Variants in MICU2 observed in about 807,000 individuals in gnomAD.
The protein encoded by MICU2 is calcium uptake protein 2, mitochondrial.
A neutral mutation model predicts 60.4 loss-of-function variants in MICU2; 64 were observed. That is an observed-to-expected ratio of 1.06 (90% confidence interval 0.87 to 1.31). MICU2 has a LOEUF of 1.31. Among genes scored for constraint, MICU2 ranks in the 50% most tolerant of loss-of-function variants. MICU2 has a pLI of 0.00. For missense variants in MICU2, 569 were observed against 531.0 expected (o/e 1.07, Z -0.70); for synonymous variants, 201 against 175.0 (o/e 1.15, Z -1.17).
At chr13:21,513,635 G>C (rs1886487027) in intron 7 of MICU2, among the ~76,000 whole-genome samples, 1 of 148,880 alleles carries the variant, frequency 6.7e-6, no homozygotes, top group South Asian at 2.2e-4. Flanking sequence ...AGCTACTTGG[G>C]AGGCAGAGGC....
In MICU2 at chr13:21,604,058, T is replaced by A; in HGVS notation, c.91A>T (p.Ser31Cys). The A allele has an allele frequency of 6.2e-7, 1 of 1,603,844 alleles. No individual in the cohort carries two copies. The highest frequency in any genetic ancestry group is 8.5e-7 in the Non-Finnish European group (1 of 1,176,342). ...ACTGCCGCTGCCAAGGGGCCGGGAC[T>A]CCGCACAGCCTGTCGGCTGACAGCG... ...GLAVSRQAVR[S>C]PGPLAAAVAG... Residue 31 changes from serine (S) to cysteine (C), a missense_variant, in exon 1 of 12, where the codon AGT becomes TGT. Transcript: ENST00000382374.
chr13:21,504,731 G>A (rs1886253620), intron 8 of MICU2, among the ~76,000 whole-genome samples: 2 of 152,132 alleles, frequency 1.3e-5, no homozygotes, highest in Non-Finnish European at 2.9e-5. Flanking sequence ...AATTGTTTAG[G>A]CAGTGTTGTA....
chr13:21,533,602 C>T (rs545760308), intron 4 of MICU2, among the ~76,000 whole-genome samples: 19 of 151,834 alleles, frequency 1.3e-4, no homozygotes, highest in African/African-American at 3.6e-4. Flanking sequence ...GGATTACAAG[C>T]GTGAGCCACT....
At chr13:21,574,011 C>A (rs183501911) in intron 1 of MICU2, among the ~76,000 whole-genome samples, 48 of 152,280 alleles carry the variant, frequency 3.2e-4, no homozygotes, top group Admixed American at 2.9e-3. Flanking sequence ...TACAAACCTA[C>A]TCGGTTGGCA....
intron 1 of MICU2, among the ~76,000 whole-genome samples, chr13:21,598,184 AAAC>A (rs929830958): frequency 6.6e-5 from 10 of 152,170 alleles, no homozygotes; most frequent in East Asian, 1.9e-4. Flanking sequence ...ATTGAAAAGC[AAAC>A]AACAACAACA....
chr13:21,548,545 C>CA (rs1353241569), intron 2 of MICU2, among the ~76,000 whole-genome samples: 1 of 152,102 alleles, frequency 6.6e-6, no homozygotes. Context: ...TTAATCATCC[C>CA]AACAACACTA....
In MICU2 at chr13:21,566,866, C is replaced by T. The variant is rs760896116; in HGVS notation, c.289G>A (p.Glu97Lys). ...GTCATATAATATTCTCCTTCATGTT[C>T]GAGTGAAGAAAACTGCATGAAGCGC... The part of the protein sequence containing the change: ...KQRFMQFSSL[E>K]HEGEYYMTPR... Residue 97 changes from glutamate (E) to lysine (K), a missense_variant, in exon 2 of 12, where the codon GAA (glutamate) becomes AAA (lysine). Glu to Lys is a moderately conservative substitution (Grantham distance 56). Coordinates refer to ENST00000382374, the MANE Select transcript of MICU2 (RefSeq NM_152726.3). 8.9e-5 allele frequency: 143 copies of T among 1,612,366 alleles called. 1 individual carries two copies. The Admixed American group carries it at 1.7e-3, about 19-fold the overall frequency.
intron 2 of MICU2, among the ~76,000 whole-genome samples, chr13:21,547,299 T>G (rs954669387): frequency 2.0e-5 from 3 of 152,190 alleles, no homozygotes; most frequent in African/African-American, 7.2e-5. Flanking sequence ...ATTTTGAAAA[T>G]GCAAATGCTA....
chr13:21,589,071 A>C (rs1017026423), intron 1 of MICU2, among the ~76,000 whole-genome samples: 1 of 152,220 alleles, frequency 6.6e-6, no homozygotes, highest in South Asian at 2.1e-4. Flanking sequence ...ATTAGCAGAA[A>C]GAGTAGGAGT....
rs1018263201 is a variant in MICU2, at chr13:21,602,052, T to A, written c.210+1887A>T. On this transcript the variant is annotated intron_variant, in intron 1 of 11. Coordinates refer to ENST00000382374, the MANE Select transcript of MICU2 (RefSeq NM_152726.3). ...GAACCGGGGAGTTAAGAGGTTGTAGTGAGCCGGGATCACGCCACTGCACTC... is the reference window on the plus strand; with the variant it reads ...GAACCGGGGAGTTAAGAGGTTGTAGAGAGCCGGGATCACGCCACTGCACTC... Among the ~76,000 whole-genome samples, 4 of 148,270 alleles carry A rather than the reference T, an allele frequency of 2.7e-5. No homozygotes were observed. The South Asian group carries it at 8.5e-4, about 31-fold the overall frequency.
intron 1 of MICU2, among the ~76,000 whole-genome samples, chr13:21,580,181 C>A (rs1182613616): frequency 3.3e-5 from 5 of 152,112 alleles, no homozygotes; most frequent in Non-Finnish European, 2.9e-5. Flanking sequence ...AAAATTATGC[C>A]AGTGAATCAT....
chr13:21,539,356 C>A lies in MICU2; in HGVS notation c.412G>T (p.Gly138Trp), dbSNP rs1402126631. The change falls in exon 4 of 12, where the codon GGG (glycine) becomes TGG (tryptophan). Residue 138 changes from glycine to tryptophan, a missense_variant. By Grantham distance (184) the Gly-to-Trp change is radical. Coordinates refer to ENST00000382374, the MANE Select transcript of MICU2 (RefSeq NM_152726.3). ...GATCCACAGCCAGCTGTTTGGATCC[C>A]TGACAGTGTATCCTCGATGTCCTTT... ...TKKDIEDTLS[G>W]IQTAGCGSTF... is the part of the protein sequence containing the mutation. 7.4e-6 allele frequency: 12 copies of A among 1,614,008 alleles called. No homozygotes were observed. Among genetic ancestry groups the A allele is most frequent in the Non-Finnish European group, 1.0e-5 (12 of 1,179,954 alleles).
intron 2 of MICU2, among the ~76,000 whole-genome samples, chr13:21,561,146 G>A (rs1238293322): frequency 6.6e-6 from 1 of 151,962 alleles, no homozygotes; most frequent in East Asian, 1.9e-4. Context: ...AGTCTACTGT[G>A]GTCTAAGACC....
At chr13:21,510,840 T>C (rs1444976852) in intron 7 of MICU2, among the ~76,000 whole-genome samples, 1 of 146,806 alleles carries the variant, frequency 6.8e-6, no homozygotes, top group African/African-American at 2.7e-5. Flanking sequence ...CATTCATTAA[T>C]TCATTTAATG....
In MICU2 at chr13:21,496,066, C is replaced by T. The variant is rs199756246; in HGVS notation, c.1028G>A (p.Arg343His). 36 of 1,612,604 alleles carry T rather than the reference C, an allele frequency of 2.2e-5. 1 individual carries two copies. The highest frequency in any genetic ancestry group is 1.0e-4 in the Admixed American group (6 of 59,862). ...IAMQMFSLAH[R>H]PVRLAEFKRA... ...ATATAACTTACCTAGTCTGACAGGA[C>T]GATGAGCTAAACTGAACATCTGCAT... The change falls in exon 10 of 12, where the codon CGT becomes CAT. Residue 343 changes from arginine to histidine, a missense_variant. By Grantham distance (29) the Arg-to-His change is conservative. Coordinates refer to ENST00000382374, the MANE Select transcript of MICU2 (RefSeq NM_152726.3).
intron 11 of MICU2, 137 bp from the exon 12 acceptor site, chr13:21,493,490 G>A (rs557590632): frequency 1.7e-6 from 1 of 595,982 alleles, no homozygotes; most frequent in East Asian, 3.1e-5. Context: ...TGTAAAAGAT[G>A]ATCACAACAG....
chr13:21,529,748 A>G (rs1886941989), intron 4 of MICU2, among the ~76,000 whole-genome samples: 1 of 152,216 alleles, frequency 6.6e-6, no homozygotes, highest in Admixed American at 6.5e-5. Flanking sequence ...TCTCTATTTT[A>G]CAGATGAAGT....
Position 21,563,556 on chromosome 13 carries a change from G to A in MICU2, c.358+3241C>T, listed in dbSNP as rs1887902208. ...TGTGAACTTCTTGAATCTATGGCTTGACATTTGTTAATAATTTTGGAAAAC... is the reference window on the plus strand; with the variant it reads ...TGTGAACTTCTTGAATCTATGGCTTAACATTTGTTAATAATTTTGGAAAAC... On this transcript the variant is annotated intron_variant, in intron 2 of 11. Transcript: ENST00000382374. 2.0e-5 allele frequency among the ~76,000 whole-genome samples: 3 copies of A among 151,758 alleles called. No individual in the cohort carries two copies. In the South Asian group the frequency reaches 6.2e-4, roughly 31 times the overall value.
At chr13:21,554,497 A>G (rs1887652830) in intron 2 of MICU2, among the ~76,000 whole-genome samples, 1 of 152,214 alleles carries the variant, frequency 6.6e-6, no homozygotes, top group South Asian at 2.1e-4. Flanking sequence ...GAACAAAGAT[A>G]CAACATACCA....
Sources: allele counts gnomAD v4.1 joint callset (sites outside exome capture counted in the v4.1 genomes callset), GRCh38; gene constraint gnomAD v4.1.1; transcripts MANE v1.5; gene names NCBI Gene and HGNC (gene_info 2026-07-23, HGNC 2026-07-21).